Variants in INPP5J observed in about 807,000 individuals in gnomAD.
INPP5J encodes the protein inositol polyphosphate-5-phosphatase J.
In INPP5J, 75 loss-of-function variants were observed where a neutral mutation model predicts 86.6. The observed-to-expected ratio is 0.87, with a 90% CI of 0.72 to 1.05. The LOEUF (loss-of-function observed/expected upper bound fraction) is 1.05, where lower values mean the gene tolerates loss of function less well. INPP5J is among the 50% of genes least tolerant of loss of function. The pLI is 0.00. For missense variants in INPP5J, 1,229 were observed against 1,341.2 expected, an observed-to-expected ratio of 0.92 and a Z score of 1.31; for synonymous variants, 540 against 550.0, an observed-to-expected ratio of 0.98 and a Z score of 0.25.
In INPP5J at chr22:31,127,489, C is replaced by T. The variant is rs1280008968; in HGVS notation, c.1744C>T (p.Gln582Ter). 6.2e-7 allele frequency: 1 copy of T among 1,613,818 alleles called. No individual in the cohort carries two copies. Among genetic ancestry groups the T allele is most frequent in the South Asian group, 1.1e-5 (1 of 91,052 alleles). ...CAACTTCCAGACCATCCTCAGCCTC[C>T]AGCAGTTCCAAGGGCCGGGCGCACA... The part of the protein sequence containing the change: ...KDNFQTILSL[Q>*]QFQGPGAQGI... The change falls in exon 6 of 13, where the codon CAG becomes TAG. Residue 582 changes from glutamine (Q) to a stop codon, truncating the protein, a stop_gained. Coordinates refer to ENST00000331075, the MANE Select transcript of INPP5J (RefSeq NM_001284285.2). LOFTEE classifies it high-confidence loss of function.
intron 1 of INPP5J, chr22:31,123,840 C>G (rs1921094764): frequency 6.6e-6 from 1 of 152,128 alleles, no homozygotes; most frequent in Non-Finnish European, 1.5e-5. Flanking sequence ...TCCGTGACTC[C>G]CCACCCCTCC....
intron 9 of INPP5J, among the ~76,000 whole-genome samples, chr22:31,130,459 A>G (rs1260108759): frequency 6.6e-6 from 1 of 152,052 alleles, no homozygotes; most frequent in Admixed American, 6.6e-5. Context: ...GTCTGCTGTG[A>G]GCTGTGATCG....
At chr22:31,127,679 A>T in intron 6 of INPP5J, 147 bp downstream of exon 6, 1 of 898,646 alleles carries the variant, frequency 1.1e-6, no homozygotes, top group Non-Finnish European at 1.7e-6. Context: ...GAAAGCAGAG[A>T]GCAGTTGGAT....
At position 31,134,353 on chromosome 22, in the gene INPP5J, GC is replaced by G; in HGVS notation, c.2958del (p.Asn987ThrfsTer78). On this transcript the variant is annotated frameshift_variant, in exon 13 of 13. Transcript: ENST00000331075. LOFTEE classifies it high-confidence loss of function. ...SWGPDREALAPNSLSPSPQGH... is the reference protein window; with the variant it reads ...SWGPDREALAXNSLSPSPQGH... ...GGGGACCTGATCGGGAGGCCCTGGC[GC>G]CCAACAGCCTGTCTCCTAGTCCCCA... 6.5e-7 allele frequency: 1 copy of G among 1,532,250 alleles called. No homozygotes were observed. Among genetic ancestry groups the G allele is most frequent in the Non-Finnish European group, 8.8e-7 (1 of 1,139,466 alleles). 94.9% of individuals were successfully genotyped at this position (1,532,250 alleles called of 1,614,324 possible).
intron 6 of INPP5J, 49 bp from the exon 7 acceptor site, chr22:31,127,902 G>T: frequency 9.1e-7 from 1 of 1,097,256 alleles, no homozygotes; most frequent in South Asian, 1.3e-5. Flanking sequence ...TGGACCTGTT[G>T]ACACCCCCCA....
rs1301712850 is a variant in INPP5J at position 31,133,134 on chromosome 22, G to A, written c.2230G>A (p.Glu744Lys). The stretch of plus-strand genomic sequence containing the variant: ...GGACGACATGCCACTGGTGCGGCTG[G>A]AGGTGGCAGATGAGTGGGTGCGGCC... ...FRDDMPLVRL[E>K]VADEWVRPEQ... is the part of the protein sequence containing the mutation. The change falls in exon 10 of 13, where the codon GAG (glutamate) becomes AAG (lysine). Residue 744 changes from glutamate (E) to lysine (K), a missense_variant. By Grantham distance (56) the Glu-to-Lys change is moderately conservative (BLOSUM62 1). Coordinates refer to ENST00000331075, the MANE Select transcript of INPP5J (RefSeq NM_001284285.2). 1.3e-6 allele frequency: 2 copies of A among 1,571,890 alleles called. No homozygotes were observed. The highest frequency in any genetic ancestry group is 1.7e-6 in the Non-Finnish European group (2 of 1,159,070).
In INPP5J at chr22:31,125,813, C is replaced by T; in HGVS notation, c.1074C>T (p.Arg358=). ...PSRSPSHSPN[R]SPCVPPAPDM... The stretch of plus-strand genomic sequence containing the variant: ...GTTCCCCAAGCCACTCCCCGAATCG[C>T]TCTCCCTGTGTTCCCCCAGCCCCTG... The change falls in exon 2 of 13, where the codon CGC becomes CGT. Residue 358 remains arginine, a synonymous_variant. Coordinates refer to ENST00000331075, the MANE Select transcript of INPP5J (RefSeq NM_001284285.2). 1 of 1,599,002 alleles carries T rather than the reference C, an allele frequency of 6.3e-7. No individual in the cohort carries two copies. The highest frequency in any genetic ancestry group is 8.5e-7 in the Non-Finnish European group (1 of 1,173,014).
chr22:31,131,718 C>T (rs1355921967), intron 9 of INPP5J, among the ~76,000 whole-genome samples: 2 of 152,166 alleles, frequency 1.3e-5, no homozygotes, highest in African/African-American at 4.8e-5. Context: ...GCTCAGAGAA[C>T]TTAAGTCTCT....
intron 6 of INPP5J, 117 bp from the exon 7 acceptor site, chr22:31,127,834 A>G: frequency 2.8e-6 from 2 of 703,342 alleles, no homozygotes; most frequent in African/African-American, 1.8e-5. Context: ...TCACCCACTC[A>G]CTACATCCCC....
intron 6 of INPP5J, 179 bp from the exon 7 acceptor site, chr22:31,127,772 G>C (rs573655129): frequency 4.7e-6 from 3 of 640,108 alleles, no homozygotes; most frequent in Non-Finnish European, 8.3e-6. Context: ...CCTGTAGACC[G>C]GTCCCTCTGC....
intron 6 of INPP5J, 119 bp from the exon 7 acceptor site, chr22:31,127,832 T>C: frequency 2.9e-6 from 2 of 694,744 alleles, no homozygotes; most frequent in Non-Finnish European, 5.2e-6. Context: ...ACTCACCCAC[T>C]CACTACATCC....
chr22:31,130,170 A>G (rs749679125), intron 9 of INPP5J, among the ~76,000 whole-genome samples: 2 of 151,292 alleles, frequency 1.3e-5, no homozygotes, highest in Non-Finnish European at 2.9e-5. Flanking sequence ...GGCGAAACCC[A>G]TCTCTACTAA....
chr22:31,126,369 C>A lies in INPP5J; in HGVS notation c.1272-7C>A, dbSNP rs375158562. 1 of 1,605,326 alleles carries A rather than the reference C, an allele frequency of 6.2e-7. No homozygotes were observed. The highest frequency in any genetic ancestry group is 8.5e-7 in the Non-Finnish European group (1 of 1,172,660). ...AGGACTACACCCTCATATGCCCCTG[C>A]CCTCAGGATCACTGTGGTCACATGG... On this transcript the variant is annotated splice_polypyrimidine_tract_variant and splice_region_variant and intron_variant, in intron 2 of 12. Coordinates refer to ENST00000331075, the MANE Select transcript of INPP5J (RefSeq NM_001284285.2).
Position 31,125,014 on chromosome 22 carries a change from C to G in INPP5J, c.275C>G (p.Pro92Arg). 1 of 1,563,796 alleles carries G rather than the reference C, an allele frequency of 6.4e-7. No individual in the cohort carries two copies. Among genetic ancestry groups the G allele is most frequent in the Non-Finnish European group, 8.7e-7 (1 of 1,154,156 alleles). The change falls in exon 2 of 13, where the codon CCT (proline) becomes CGT (arginine). Residue 92 changes from proline to arginine, a missense_variant. Physicochemically the swap from Pro to Arg is moderately radical, Grantham distance 103. Coordinates refer to ENST00000331075, the MANE Select transcript of INPP5J (RefSeq NM_001284285.2). ...CCAATCCTGGCTCCACTGTGTACCC[C>G]TGAAGGGCAGAAAACAGCTACTGCC... ...PRPILAPLCT[P>R]EGQKTATAHR...
Position 31,133,193 on chromosome 22 carries a change from A to G in INPP5J, c.2289A>G (p.Thr763=). 6.2e-7 allele frequency: 1 copy of G among 1,600,860 alleles called. No individual in the cohort carries two copies. The highest frequency in any genetic ancestry group is 1.1e-5 in the South Asian group (1 of 88,704). Residue 763 remains threonine (T), a synonymous_variant, in exon 10 of 13, where the codon ACA becomes ACG. Coordinates refer to ENST00000331075, the MANE Select transcript of INPP5J (RefSeq NM_001284285.2). ...CGGTGGTGAGGTACCGCATGGAAAC[A>G]GTGTTCGCCCGCAGCTCCTGGGACT... The part of the protein sequence containing the change: ...EQAVVRYRME[T]VFARSSWDWI...
intron 10 of INPP5J, 76 bp downstream of exon 10, chr22:31,133,311 C>A: frequency 6.3e-7 from 1 of 1,591,762 alleles, no homozygotes; most frequent in Admixed American, 1.8e-5. Flanking sequence ...ATGGTGGGGT[C>A]ACTGGCTTGT....
At chr22:31,131,562 CAA>C (rs34912731) in intron 9 of INPP5J, among the ~76,000 whole-genome samples, 13 of 129,472 alleles carry the variant, frequency 1.0e-4, no homozygotes, top group Non-Finnish European at 1.0e-4. Context: ...GACTCTGTCT[CAA>C]AAAAAAAAAA....
intron 7 of INPP5J, 73 bp from the exon 8 acceptor site, chr22:31,128,141 C>A: frequency 1.4e-6 from 2 of 1,432,344 alleles, no homozygotes; most frequent in Non-Finnish European, 1.9e-6. Flanking sequence ...CCTGTCCTCA[C>A]CTGCCCCACC....
chr22:31,126,638 A>G lies in INPP5J; in HGVS notation c.1411A>G (p.Asn471Asp), dbSNP rs199993305. ...GTTGCAGGAAGTGAACTCCATGCTC[A>G]ACAAGCGACTCAAGGACGCCCTCTT... ...IGLQEVNSML[N>D]KRLKDALFTD... Residue 471 changes from asparagine (N) to aspartate (D), a missense_variant, in exon 4 of 13, where the codon AAC becomes GAC. Transcript: ENST00000331075. 6.2e-7 allele frequency: 1 copy of G among 1,613,894 alleles called. No homozygotes were observed. Among genetic ancestry groups the G allele is most frequent in the Non-Finnish European group, 8.5e-7 (1 of 1,179,824 alleles).
Sources: allele counts gnomAD v4.1 joint callset (sites outside exome capture counted in the v4.1 genomes callset), GRCh38; gene constraint gnomAD v4.1.1; transcripts MANE v1.5; gene names NCBI Gene and HGNC (gene_info 2026-07-23, HGNC 2026-07-21).